Variants in TNRC6C observed in about 807,000 individuals in gnomAD.
TNRC6C encodes trinucleotide repeat containing adaptor 6C.
In TNRC6C, 20 loss-of-function variants were observed where a neutral mutation model predicts 153.7. The observed-to-expected ratio is 0.13, with a 90% CI of 0.09 to 0.19. TNRC6C has a LOEUF of 0.19. Ranked by LOEUF, TNRC6C falls within the 10% of genes least tolerant of loss-of-function variation. The probability of loss-of-function intolerance (pLI) is 1.00; values close to 1 mark genes in which losing one functional copy is unlikely to be tolerated. For missense variants in TNRC6C, 1,987 were observed against 2,172.0 expected (o/e 0.91, Z 1.69); for synonymous variants, 811 against 841.4 (o/e 0.96, Z 0.63).
Position 78,075,174 on chromosome 17 carries a change from G to A in TNRC6C, c.2956G>A (p.Gly986Arg), listed in dbSNP as rs1436219464. 6.2e-7 allele frequency: 1 copy of A among 1,612,712 alleles called. No individual in the cohort carries two copies. Among genetic ancestry groups the A allele is most frequent in the African/African-American group, 1.3e-5 (1 of 74,922 alleles). ...AAAGAAGGTGGACGTGGACAAGCGT[G>A]GGCTGGGAGTGACCGACCATAATGG... Residue 986 changes from glycine (G) to arginine (R), a missense_variant, in exon 8 of 20, where the codon GGG (glycine) becomes AGG (arginine). Gly to Arg is a moderately radical substitution (Grantham distance 125, BLOSUM62 -2). Coordinates refer to ENST00000301624, the Ensembl canonical transcript of TNRC6C. This position sits in a 1 kb window ranked among gnomAD's most constrained non-coding sequence, Gnocchi z 4.2.
chr17:77,989,649 AAGCTCTTGATAAT>A (rs2071221068), intron 1 of TNRC6C, among the ~76,000 whole-genome samples: 1 of 152,236 alleles, frequency 6.6e-6, no homozygotes, highest in Non-Finnish European at 1.5e-5. Flanking sequence ...CACTAACTGT[AAGCTCTTGATAAT>A]AGGGATCTTA....
chr17:78,077,259 C>G, exon 9 of TNRC6C: 1 of 1,598,922 alleles, frequency 6.3e-7, no homozygotes, highest in East Asian at 2.3e-5. Flanking sequence ...CCCTTTCACA[C>G]AGTGCACTCC....
chr17:78,029,179 G>A (rs1226205291), intron 1 of TNRC6C, among the ~76,000 whole-genome samples: 1 of 152,222 alleles, frequency 6.6e-6, no homozygotes, highest in Non-Finnish European at 1.5e-5. Context: ...GAGTGTGGCA[G>A]TGCTACAGAC....
At chr17:78,002,715 C>T (rs112359480), upstream of TNRC6C, among the ~76,000 whole-genome samples, 285 of 152,218 alleles carry the variant, frequency 1.9e-3, 1 homozygote, top group African/African-American at 6.4e-3. Context: ...CAACATAGCA[C>T]GCCATCTCTG....
exon 3 of TNRC6C, chr17:78,050,336 G>T: frequency 6.2e-7 from 1 of 1,603,226 alleles, no homozygotes; most frequent in East Asian, 2.2e-5. Context: ...CGAGATAAAG[G>T]GATTATAGAC....
upstream of TNRC6C, chr17:78,005,046 T>C (rs1211805168): frequency 8.2e-7 from 1 of 1,225,668 alleles, no homozygotes; most frequent in Non-Finnish European, 1.0e-6. Flanking sequence ...CTCTCTCTTT[T>C]TTTTTTTTCA....
chr17:77,997,110 G>T (rs918193627), intron 1 of TNRC6C, among the ~76,000 whole-genome samples: 5 of 152,190 alleles, frequency 3.3e-5, no homozygotes, highest in Non-Finnish European at 7.3e-5. Flanking sequence ...TGCTGAAAAG[G>T]TGAGAGGCCA....
intron 11 of TNRC6C, among the ~76,000 whole-genome samples, chr17:78,085,126 A>G (rs2073257611): frequency 6.6e-6 from 1 of 152,188 alleles, no homozygotes; most frequent in African/African-American, 2.4e-5. Flanking sequence ...GTTACTGTAG[A>G]GGAAGATCGC....
rs952094432 is a variant in TNRC6C, at chr17:78,091,534, G to A, written c.3897G>A (p.Gln1299=). ...CCCAGTCCCAGTCACGCCTCCCCCA[G>A]TGGACGCACCCCAACTCCATGGATA... The change falls in exon 14 of 20, where the codon CAG becomes CAA. Residue 1299 remains glutamine, a synonymous_variant. Transcript: ENST00000301624. The A allele has an allele frequency of 2.5e-6, 4 of 1,609,214 alleles. No homozygotes were observed. In the East Asian group the frequency reaches 6.8e-5, roughly 27 times the overall value.
At chr17:78,103,230 T>A (rs768794042) in intron 18 of TNRC6C, among the ~76,000 whole-genome samples, 184 bp from the exon 22 acceptor site, 1 of 152,258 alleles carries the variant, frequency 6.6e-6, no homozygotes, top group African/African-American at 2.4e-5. Flanking sequence ...TCCAAGTTTT[T>A]AGTTACACGT....
At chr17:78,078,833 C>G (rs574335428) in intron 9 of TNRC6C, among the ~76,000 whole-genome samples, 1 of 152,096 alleles carries the variant, frequency 6.6e-6, no homozygotes, top group African/African-American at 2.4e-5. Context: ...TGGCTCACAC[C>G]TGTAATCCCA....
chr17:78,056,197 G>T (rs2072650914), intron 3 of TNRC6C, among the ~76,000 whole-genome samples: 1 of 150,032 alleles, frequency 6.7e-6, no homozygotes, highest in Non-Finnish European at 1.5e-5. Context: ...TTACTCTGTT[G>T]CCTGGGCTAG....
intron 1 of TNRC6C, among the ~76,000 whole-genome samples, chr17:77,963,372 A>G (rs1028140439): frequency 2.0e-5 from 3 of 152,224 alleles, no homozygotes; most frequent in African/African-American, 7.2e-5. Context: ...TATTTAATGA[A>G]AAGTAAATTA....
chr17:77,992,368 C>T (rs1206755584), intron 1 of TNRC6C, among the ~76,000 whole-genome samples: 2 of 104,400 alleles, frequency 1.9e-5, no homozygotes, highest in East Asian at 2.7e-4. Context: ...CATGGTGGCG[C>T]GTGCCTGTAG....
chr17:78,005,870 A>T (rs1462452009), intron 1 of TNRC6C, among the ~76,000 whole-genome samples: 1 of 147,092 alleles, frequency 6.8e-6, no homozygotes, highest in Admixed American at 6.7e-5. Flanking sequence ...AATAAAATGT[A>T]AAAAAAAAAG....
chr17:77,977,122 CTATA>C (rs945958772), intron 1 of TNRC6C, among the ~76,000 whole-genome samples: 3 of 151,570 alleles, frequency 2.0e-5, no homozygotes, highest in Non-Finnish European at 4.4e-5. Context: ...ATAATGATTA[CTATA>C]TATACGTTTT....
At chr17:78,060,930 C>G (rs1056935515) in intron 3 of TNRC6C, among the ~76,000 whole-genome samples, 1 of 152,196 alleles carries the variant, frequency 6.6e-6, no homozygotes, top group South Asian at 2.1e-4. Flanking sequence ...GAGAAAGATT[C>G]TCTGTTTCTT....
At chr17:78,089,628 C>T (rs904562539) in intron 13 of TNRC6C, among the ~76,000 whole-genome samples, 6 of 151,940 alleles carry the variant, frequency 3.9e-5, no homozygotes, top group East Asian at 1.9e-4. Flanking sequence ...ACCTGGAGTT[C>T]GCCATCTAGA....
chr17:77,978,952 AT>A (rs1390340037), intron 1 of TNRC6C, among the ~76,000 whole-genome samples: 2 of 152,318 alleles, frequency 1.3e-5, no homozygotes, highest in East Asian at 3.9e-4. Flanking sequence ...GGAAGGTAAC[AT>A]TCACAGCCTC....
Sources: allele counts gnomAD v4.1 joint callset (sites outside exome capture counted in the v4.1 genomes callset), GRCh38; gene constraint gnomAD v4.1.1; non-coding constraint Gnocchi (gnomAD v3.1); transcripts MANE v1.5; gene names NCBI Gene and HGNC (gene_info 2026-07-23, HGNC 2026-07-21).